The following BRIP1 variants were observed in gnomAD, a reference collection of about 807,000 sequenced individuals.
BRIP1 encodes BRCA1 interacting DNA helicase 1.
BRIP1 carries 88 observed loss-of-function variants against 119.7 expected under a neutral mutation model. The observed-to-expected ratio is 0.74, with a 90% CI of 0.62 to 0.88. The LOEUF is 0.88. Among genes scored for constraint, BRIP1 ranks in the 40% least tolerant of loss-of-function variants. BRIP1 has a pLI of 0.00. For missense variants in BRIP1, 1,259 were observed against 1,455.4 expected, an observed-to-expected ratio of 0.87 and a Z score of 2.20; for synonymous variants, 443 against 496.5, an observed-to-expected ratio of 0.89 and a Z score of 1.43.
Position 61,700,576 on chromosome 17 carries a change from G to A in BRIP1, c.2493-7064C>T, listed in dbSNP as rs182954709. Among the ~76,000 whole-genome samples, 5 of 152,114 alleles carry A rather than the reference G, an allele frequency of 3.3e-5. No individual in the cohort carries two copies. Among genetic ancestry groups the A allele is most frequent in the East Asian group, 3.9e-4 (2 of 5,178 alleles). On this transcript the variant is annotated intron_variant, in intron 17 of 19. Transcript: ENST00000259008. The surrounding 1 kb of genome is among the most constrained non-coding windows in gnomAD (Gnocchi z 4.1). ...TATGATGAGTTATTTCTCTCTTGCC[G>A]CTTTCTAGATTCTGTCTTCTGGCTG...
In BRIP1 at chr17:61,816,716, A is replaced by C. The variant is rs1342519483; in HGVS notation, c.628-7959T>G. Among the ~76,000 whole-genome samples, 2 of 151,254 alleles carry C rather than the reference A, an allele frequency of 1.3e-5. No individual in the cohort carries two copies. Among genetic ancestry groups the C allele is most frequent in the Non-Finnish European group, 2.9e-5 (2 of 67,934 alleles). On this transcript the variant is annotated intron_variant, in intron 6 of 19. Coordinates refer to ENST00000259008, the MANE Select transcript of BRIP1 (RefSeq NM_032043.3). This position sits in a 1 kb window ranked among gnomAD's most constrained non-coding sequence, Gnocchi z 5.0. ...AAAGCAGTGATGAGTCACACCGATC[A>C]ACTTCATGAGAAAAACCCAGGGTGT...
In BRIP1 at chr17:61,757,787, C is replaced by T. The variant is rs1217660382; in HGVS notation, c.2098-13196G>A. On this transcript the variant is annotated intron_variant, in intron 14 of 19. Transcript: ENST00000259008. This position sits in a 1 kb window ranked among gnomAD's most constrained non-coding sequence, Gnocchi z 4.3. ...GGCCAAGGCAGACAGATCTCTTGAG[C>T]TCAGGATTTCAAGACCAGCCTGGGC... 6.6e-6 allele frequency among the ~76,000 whole-genome samples: 1 copy of T among 151,944 alleles called. No homozygotes were observed. The highest frequency in any genetic ancestry group is 6.6e-5 in the Admixed American group (1 of 15,246).
rs11326516 is a variant in BRIP1, at chr17:61,721,267, C to CTTT, written c.2380-5207_2380-5205dup. On this transcript the variant is annotated intron_variant, in intron 16 of 19. Transcript: ENST00000259008. ...TCTTACTGTAAAAATAAAATCTAAG[C>CTTT]TTTTTTTTTTTTTTTTTTTTTAACA... Among the ~76,000 whole-genome samples the CTTT allele has an allele frequency of 2.9e-3, 330 of 114,138 alleles. 1 individual carries two copies. Among genetic ancestry groups the CTTT allele is most frequent in the Non-Finnish European group, 3.8e-3 (220 of 57,976 alleles). The allele number at this position is 114,138 out of a possible 152,430, so 74.9% of individuals were successfully genotyped here.
Position 61,717,165 on chromosome 17 carries a change from C to T in BRIP1, c.2380-1102G>A, listed in dbSNP as rs576808009. Reference sequence around the variant, plus strand: ...TCCTTATACCCTTTACCCAATTTCCCCTAATGTTAACATCTTATATTACTA... The same window carrying T: ...TCCTTATACCCTTTACCCAATTTCCTCTAATGTTAACATCTTATATTACTA... On this transcript the variant is annotated intron_variant, in intron 16 of 19. Coordinates refer to ENST00000259008, the MANE Select transcript of BRIP1 (RefSeq NM_032043.3). This position sits in a 1 kb window ranked among gnomAD's most constrained non-coding sequence, Gnocchi z 4.1. Among the ~76,000 whole-genome samples, 20 of 151,988 alleles carry T rather than the reference C, an allele frequency of 1.3e-4. No individual in the cohort carries two copies. The South Asian group carries it at 4.2e-3, about 32-fold the overall frequency.
chr17:61,692,767 T>C (rs1179675592), intron 18 of BRIP1, among the ~76,000 whole-genome samples: 1 of 152,212 alleles, frequency 6.6e-6, no homozygotes, highest in Non-Finnish European at 1.5e-5. Flanking sequence ...CCTTGTGTGC[T>C]ATTGGTGGGA....
At chr17:61,818,087 T>G (rs765653838) in intron 6 of BRIP1, among the ~76,000 whole-genome samples, 2 of 148,294 alleles carry the variant, frequency 1.3e-5, no homozygotes, top group Non-Finnish European at 3.0e-5. Flanking sequence ...GTGTGATCTC[T>G]CACACCTGTA....
intron 16 of BRIP1, among the ~76,000 whole-genome samples, chr17:61,733,169 G>A (rs1236799766): frequency 6.6e-6 from 1 of 152,066 alleles, no homozygotes; most frequent in Non-Finnish European, 1.5e-5. Flanking sequence ...TGCCGTCAAA[G>A]CAAAAGGAAT....
Position 61,776,639 on chromosome 17 carries a change from C to T in BRIP1, c.1936-77G>A, listed in dbSNP as rs2145036731. ...ATTAGTATTTATTTGGAAGTATGTA[C>T]ATAAAAGATCAAGCAACAAGTTTAA... On this transcript the variant is annotated intron_variant, in intron 13 of 19. Coordinates refer to ENST00000259008, the MANE Select transcript of BRIP1 (RefSeq NM_032043.3). The surrounding 1 kb of genome is among the most constrained non-coding windows in gnomAD (Gnocchi z 5.0). The T allele has an allele frequency of 1.4e-6, 2 of 1,444,274 alleles. No individual in the cohort carries two copies. The highest frequency in any genetic ancestry group is 9.7e-7 in the Non-Finnish European group (1 of 1,029,776). 89.5% of individuals were successfully genotyped at this position (1,444,274 alleles called of 1,614,324 possible). A position where few individuals can be genotyped will look rare whatever the true frequency, so the allele number is the denominator to read the frequency against.
At chr17:61,785,997 G>A (rs1434826332) in intron 10 of BRIP1, among the ~76,000 whole-genome samples, 1 of 151,864 alleles carries the variant, frequency 6.6e-6, no homozygotes. Flanking sequence ...GGTTCCTTAG[G>A]AAACATACAT....
Position 61,713,788 on chromosome 17 carries a change from C to T in BRIP1, c.2492+2163G>A, listed in dbSNP as rs572200193. Among the ~76,000 whole-genome samples, 6 of 152,068 alleles carry T rather than the reference C, an allele frequency of 3.9e-5. 1 individual carries two copies. Among genetic ancestry groups the T allele is most frequent in the African/African-American group, 1.4e-4 (6 of 41,500 alleles). On this transcript the variant is annotated intron_variant, in intron 17 of 19. Coordinates refer to ENST00000259008, the MANE Select transcript of BRIP1 (RefSeq NM_032043.3). This position sits in a 1 kb window ranked among gnomAD's most constrained non-coding sequence, Gnocchi z 4.9. ...CTGCCCACCTTGGCCTCCCAAAGTG[C>T]TGGATTACAGGCTTCAGCTATTGCG...
At chr17:61,830,296 T>C (rs919006010) in intron 6 of BRIP1, among the ~76,000 whole-genome samples, 2 of 10,628 alleles carry the variant, frequency 1.9e-4, no homozygotes, top group African/African-American at 6.3e-4. Flanking sequence ...AAAACAATGG[T>C]AATTAAAAAA....
Position 61,822,581 on chromosome 17 carries a change from T to C in BRIP1, c.628-13824A>G, listed in dbSNP as rs780725140. On this transcript the variant is annotated intron_variant, in intron 6 of 19. Coordinates refer to ENST00000259008, the MANE Select transcript of BRIP1 (RefSeq NM_032043.3). This position sits in a 1 kb window ranked among gnomAD's most constrained non-coding sequence, Gnocchi z 4.4. Reference sequence around the variant, plus strand: ...AATAGGAAAACAGACTGCTCTCACATCTACTATTGTTCAGAATATTAGATT... The same window carrying C: ...AATAGGAAAACAGACTGCTCTCACACCTACTATTGTTCAGAATATTAGATT... Among the ~76,000 whole-genome samples, 3 of 152,138 alleles carry C rather than the reference T, an allele frequency of 2.0e-5. No individual in the cohort carries two copies. Among genetic ancestry groups the C allele is most frequent in the Non-Finnish European group, 4.4e-5 (3 of 68,024 alleles).
chr17:61,783,898 G>A (rs2145130358), intron 11 of BRIP1: 1 of 180,616 alleles, frequency 5.5e-6, no homozygotes, highest in Admixed American at 5.8e-5. Flanking sequence ...AACATAGTGA[G>A]ATCTCATCTC....
rs1336457571 is a variant in BRIP1 at position 61,704,132 on chromosome 17, A to G, written c.2493-10620T>C. Among the ~76,000 whole-genome samples, 2 of 152,292 alleles carry G rather than the reference A, an allele frequency of 1.3e-5. No homozygotes were observed. The highest frequency in any genetic ancestry group is 3.8e-4 in the East Asian group (2 of 5,196). Reference sequence around the variant, plus strand: ...GTTACTCCAGCACCATTTATTGAACAAGGAGTCCTTTCCCCATTGTTTATT... The same window carrying G: ...GTTACTCCAGCACCATTTATTGAACGAGGAGTCCTTTCCCCATTGTTTATT... On this transcript the variant is annotated intron_variant, in intron 17 of 19. Transcript: ENST00000259008. The surrounding 1 kb of genome is among the most constrained non-coding windows in gnomAD (Gnocchi z 5.7).
chr17:61,774,137 G>A lies in BRIP1; in HGVS notation c.2097+2264C>T, dbSNP rs930197598. ...TGCTACTATAAAGACACATGCATAC[G>A]TATATTTATTGCAGCCTATTCACAA... On this transcript the variant is annotated intron_variant, in intron 14 of 19. Transcript: ENST00000259008. The surrounding 1 kb of genome is among the most constrained non-coding windows in gnomAD (Gnocchi z 5.8). 2.1e-4 allele frequency among the ~76,000 whole-genome samples: 32 copies of A among 152,208 alleles called. No individual in the cohort carries two copies. The highest frequency in any genetic ancestry group is 6.5e-4 in the African/African-American group (27 of 41,542).
chr17:61,768,545 C>T lies in BRIP1; in HGVS notation c.2097+7856G>A, dbSNP rs1603317309. Among the ~76,000 whole-genome samples the T allele has an allele frequency of 6.6e-6, 1 of 152,094 alleles. No individual in the cohort carries two copies. Among genetic ancestry groups the T allele is most frequent in the Non-Finnish European group, 1.5e-5 (1 of 68,012 alleles). On this transcript the variant is annotated intron_variant, in intron 14 of 19. Coordinates refer to ENST00000259008, the MANE Select transcript of BRIP1 (RefSeq NM_032043.3). The surrounding 1 kb of genome is among the most constrained non-coding windows in gnomAD (Gnocchi z 5.0). Reference sequence around the variant, plus strand: ...TGTGCAGTTGTGATGCCTTTGCTACCTAAATTTCATAAATATCATTTCACT... The same window carrying T: ...TGTGCAGTTGTGATGCCTTTGCTACTTAAATTTCATAAATATCATTTCACT...
rs1362155526 is a variant in BRIP1, at chr17:61,806,120, C to G, written c.918+2347G>C. Among the ~76,000 whole-genome samples the G allele has an allele frequency of 1.3e-5, 2 of 152,226 alleles. No individual in the cohort carries two copies. Among genetic ancestry groups the G allele is most frequent in the Non-Finnish European group, 2.9e-5 (2 of 68,046 alleles). ...TAAGGGCAGTTAGAATGACACCCCT[C>G]TGCAGGCTGACAGCAAAACCAGAAA... On this transcript the variant is annotated intron_variant, in intron 7 of 19. Transcript: ENST00000259008. This position sits in a 1 kb window ranked among gnomAD's most constrained non-coding sequence, Gnocchi z 4.9.
In BRIP1 at chr17:61,801,651, CA is replaced by C. The variant is rs549403003; in HGVS notation, c.919-178del. On this transcript the variant is annotated intron_variant, in intron 7 of 19. Transcript: ENST00000259008. ...TTTGAGACAATACCATAGCTACAAT[CA>C]CAACGAAGTCTGGTTGACTCAGACT... Among the ~76,000 whole-genome samples the C allele has an allele frequency of 6.8e-4, 104 of 152,306 alleles. 2 individuals carry two copies. In the South Asian group the frequency reaches 0.021, roughly 30 times the overall value.
rs1330147176 is a variant in BRIP1 at position 61,861,458 on chromosome 17, T to A, written c.82A>T (p.Met28Leu). The change falls in exon 2 of 20, where the codon ATG (methionine) becomes TTG (leucine). Residue 28 changes from methionine (M) to leucine (L), a missense_variant. This residue lies in a region of BRIP1 where 501 missense variants were observed against 544.0 expected (regional missense o/e 0.92). Transcript: ENST00000259008. This position sits in a 1 kb window ranked among gnomAD's most constrained non-coding sequence, Gnocchi z 4.5. ...TGAAAAATACTTACAGAATTCATCA[T>A]AGCAAGCTGTGACGGGTAAGCTTTA... is the stretch of plus-strand genomic sequence containing the variant. ...PYKAYPSQLA[M>L]MNSILRGLNS... The A allele has an allele frequency of 8.1e-6, 13 of 1,608,892 alleles. No individual in the cohort carries two copies. The highest frequency in any genetic ancestry group is 1.0e-5 in the Non-Finnish European group (12 of 1,175,382).
Sources: allele counts gnomAD v4.1 joint callset (sites outside exome capture counted in the v4.1 genomes callset), GRCh38; gene constraint gnomAD v4.1.1; regional missense constraint gnomAD v4.1.1; non-coding constraint Gnocchi (gnomAD v3.1); transcripts MANE v1.5; gene names NCBI Gene and HGNC (gene_info 2026-07-23, HGNC 2026-07-21).